The following SNTG1 variants were observed in gnomAD, a reference collection of about 807,000 sequenced individuals.
The protein encoded by SNTG1 is syntrophin gamma 1.
Under a neutral mutation model 74.7 loss-of-function variants are expected in SNTG1, and 39 were observed. The ratio of observed to expected loss-of-function variants is 0.52; its 90% CI spans 0.40 to 0.68. The LOEUF (loss-of-function observed/expected upper bound fraction) is 0.68, where lower values mean the gene tolerates loss of function less well. Ranked by LOEUF, SNTG1 falls within the 30% of genes least tolerant of loss-of-function variation. SNTG1 has a pLI of 0.00. For synonymous variants in SNTG1, 254 were observed against 217.1 expected (o/e 1.17, Z -1.49); for missense variants, 685 against 609.5 (o/e 1.12, Z -1.30).
At chr8:50,757,270 T>C (rs2095582827) in intron 18 of SNTG1, among the ~76,000 whole-genome samples, 1 of 151,904 alleles carries the variant, frequency 6.6e-6, no homozygotes, top group Non-Finnish European at 1.5e-5. Flanking sequence ...TTTCAAATTT[T>C]GAATAAGCTT....
At chr8:50,373,062 A>C (rs918977768) in intron 2 of SNTG1, among the ~76,000 whole-genome samples, 27 of 152,222 alleles carry the variant, frequency 1.8e-4, no homozygotes, top group African/African-American at 6.3e-4. Context: ...CTGACTAAAG[A>C]AATTATCTAC....
chr8:50,098,723 G>A (rs1586260770), intron 1 of SNTG1, among the ~76,000 whole-genome samples: 4 of 152,214 alleles, frequency 2.6e-5, no homozygotes, highest in Admixed American at 2.6e-4. Context: ...AACAAGTTAT[G>A]TGTTTGAATA....
At chr8:50,385,505 TAAGCCTAG>T (rs1475227016) in intron 2 of SNTG1, among the ~76,000 whole-genome samples, 2 of 152,208 alleles carry the variant, frequency 1.3e-5, no homozygotes, top group African/African-American at 4.8e-5. Context: ...GTCTTGTTAA[TAAGCCTAG>T]AATAGTTCCT....
At chr8:50,198,652 CAT>C (rs2083870423) in intron 2 of SNTG1, among the ~76,000 whole-genome samples, 2 of 152,158 alleles carry the variant, frequency 1.3e-5, no homozygotes, top group African/African-American at 4.8e-5. Context: ...TTTAAAATGT[CAT>C]ACTTTCTTTT....
intron 1 of SNTG1, among the ~76,000 whole-genome samples, chr8:50,080,615 GT>G (rs1822315736): frequency 6.6e-6 from 1 of 151,986 alleles, no homozygotes; most frequent in African/African-American, 2.4e-5. Flanking sequence ...ATTATTTTGA[GT>G]TATTTTATTA....
intron 1 of SNTG1, among the ~76,000 whole-genome samples, chr8:50,137,230 G>T (rs141988039): frequency 2.6e-5 from 4 of 152,166 alleles, no homozygotes; most frequent in African/African-American, 4.8e-5. Flanking sequence ...GAGCTAGAAG[G>T]CTCCTGAATT....
At chr8:50,208,636 G>A (rs777297448) in intron 2 of SNTG1, among the ~76,000 whole-genome samples, 5 of 152,164 alleles carry the variant, frequency 3.3e-5, no homozygotes, top group Non-Finnish European at 5.9e-5. Flanking sequence ...CTTGTTAGTT[G>A]ATACAGTTTC....
At chr8:50,462,794 CTCTTTTTTTTTTTTTTTTTTTTTTTTT>C (rs1001484797) in intron 8 of SNTG1, among the ~76,000 whole-genome samples, 8 of 43,628 alleles carry the variant, frequency 1.8e-4, no homozygotes, top group Non-Finnish European at 3.7e-4. Context: ...TCAGGTTCTA[CTCTTTTTTTTTTTTTTTTTTTTTTTTT>C]TTTTTTTTTT....
intron 4 of SNTG1, among the ~76,000 whole-genome samples, chr8:50,418,965 C>G (rs1463749429): frequency 6.6e-6 from 1 of 151,980 alleles, no homozygotes; most frequent in Non-Finnish European, 1.5e-5. Flanking sequence ...CTGTTTTTCT[C>G]TATTATTTGT....
chr8:50,416,309 G>C (rs997870266), intron 4 of SNTG1, among the ~76,000 whole-genome samples: 1 of 152,076 alleles, frequency 6.6e-6, no homozygotes, highest in Non-Finnish European at 1.5e-5. Context: ...TGCATGGAAT[G>C]GTTCTATAGT....
intron 2 of SNTG1, among the ~76,000 whole-genome samples, chr8:50,192,104 G>A (rs969984802): frequency 4.3e-4 from 65 of 152,086 alleles, no homozygotes; most frequent in African/African-American, 1.5e-3. Context: ...GCCCTGGTGT[G>A]CCCAGTGGGC....
chr8:50,162,611 A>G (rs73575321), intron 1 of SNTG1, among the ~76,000 whole-genome samples: 11,079 of 151,518 alleles, frequency 0.073, 1,322 homozygotes, highest in African/African-American at 0.25. Flanking sequence ...AGTCCCTAGC[A>G]GAACTTCATC....
At chr8:50,166,696 T>C (rs2082624468) in intron 1 of SNTG1, among the ~76,000 whole-genome samples, 1 of 84,038 alleles carries the variant, frequency 1.2e-5, no homozygotes, top group East Asian at 3.3e-4. Context: ...AGTTCAACCA[T>C]TGTGGAAGTC....
rs2094166187 is a variant in SNTG1, at chr8:50,520,013, A to T, written c.467-10164A>T. Among the ~76,000 whole-genome samples the T allele has an allele frequency of 2.0e-5, 3 of 152,310 alleles. No homozygotes were observed. In the South Asian group the frequency reaches 6.2e-4, roughly 32 times the overall value. On this transcript the variant is annotated intron_variant, in intron 9 of 18. Coordinates refer to ENST00000642720, the MANE Select transcript of SNTG1 (RefSeq NM_018967.5). ...TCCTAAGCAAAAAGAACAAAACTGG[A>T]GGCATCATGCTACCTGACTTCAAAC...
rs2086657707 is a variant in SNTG1 at position 50,251,775 on chromosome 8, C to T, written c.-28+79140C>T. On this transcript the variant is annotated intron_variant, in intron 2 of 18. Transcript: ENST00000642720. ...ATATAATAATGGTAAGAGACTTCAG[C>T]TTCACATTTTCAGCAATAAACAGAT... Among the ~76,000 whole-genome samples the T allele has an allele frequency of 1.3e-5, 2 of 151,952 alleles. 1 individual carries two copies. The highest frequency in any genetic ancestry group is 4.1e-4 in the South Asian group (2 of 4,830).
intron 13 of SNTG1, among the ~76,000 whole-genome samples, chr8:50,594,097 G>A (rs2094710905): frequency 1.3e-5 from 2 of 152,146 alleles, no homozygotes; most frequent in African/African-American, 2.4e-5. Flanking sequence ...TGAAAGGCGG[G>A]ACAGTTGTCT....
chr8:50,552,317 G>A (rs1369895999), intron 11 of SNTG1, among the ~76,000 whole-genome samples: 4 of 152,148 alleles, frequency 2.6e-5, no homozygotes, highest in Non-Finnish European at 5.9e-5. Context: ...AAATTCAATA[G>A]CACTTTTGTG....
chr8:50,525,711 T>G (rs569480621), intron 9 of SNTG1, among the ~76,000 whole-genome samples: 23 of 152,192 alleles, frequency 1.5e-4, no homozygotes, highest in African/African-American at 5.5e-4. Context: ...GTTTCTTGTC[T>G]TTTCTATATT....
chr8:50,484,516 G>A (rs940791797), intron 8 of SNTG1, among the ~76,000 whole-genome samples: 1 of 150,898 alleles, frequency 6.6e-6, no homozygotes, highest in Non-Finnish European at 1.5e-5. Context: ...TGCCCAACCT[G>A]GATTTTCTTG....
Sources: gnomAD v4.1 joint callset for allele counts (sites outside exome capture counted in the v4.1 genomes callset) on GRCh38, gnomAD v4.1.1 for gene constraint, MANE v1.5 for transcripts, NCBI Gene and HGNC (gene_info 2026-07-23, HGNC 2026-07-21) for gene names.